GPC1: variants seen among roughly 807,000 people sequenced by gnomAD.
The protein encoded by GPC1 is glypican-1.
GPC1 carries 26 observed loss-of-function variants against 51.5 expected under a neutral mutation model. The ratio of observed to expected loss-of-function variants is 0.50; its 90% CI spans 0.37 to 0.70. The LOEUF is 0.70. GPC1 is among the 30% of genes least tolerant of loss of function. The pLI, the probability that GPC1 is intolerant of heterozygous loss-of-function variation, is 0.00. For synonymous variants in GPC1, 380 were observed against 348.3 expected, an observed-to-expected ratio of 1.09 and a Z score of -1.01; for missense variants, 775 against 800.5, an observed-to-expected ratio of 0.97 and a Z score of 0.38.
intron 2 of GPC1, 109 bp downstream of exon 2, chr2:240,459,297 G>T (rs923717073): frequency 2.9e-5 from 31 of 1,072,486 alleles, no homozygotes; most frequent in Non-Finnish European, 4.0e-5. Context: ...GGATTGGCAG[G>T]AGGAGGTGGG....
intron 2 of GPC1, among the ~76,000 whole-genome samples, chr2:240,459,901 G>A (rs1235743836): frequency 6.6e-6 from 1 of 152,152 alleles, no homozygotes; most frequent in Non-Finnish European, 1.5e-5. Flanking sequence ...GTGGAGGGAG[G>A]CGGCCCGGGC....
intron 4 of GPC1, chr2:240,463,781 T>C: frequency 1.9e-6 from 1 of 528,498 alleles, no homozygotes; most frequent in South Asian, 2.5e-5. Flanking sequence ...AGCAAGCACC[T>C]CGGTGTGCAT....
intron 1 of GPC1, chr2:240,452,753 G>A (rs1406764362): frequency 6.7e-6 from 1 of 149,688 alleles, no homozygotes; most frequent in Non-Finnish European, 1.5e-5. Flanking sequence ...AGCGCGGCGG[G>A]GCGGGGGCTG....
chr2:240,450,472 CTA>C lies in GPC1; in HGVS notation c.167-8556_167-8555del, dbSNP rs746026777. The stretch of plus-strand genomic sequence containing the variant: ...ACCTTGCACAGGTCACTTTAGCTCT[CTA>C]TGTGTCAGCTATGTCAGCGGGACCT... On this transcript the variant is annotated intron_variant, in intron 1 of 8. Transcript: ENST00000264039. 5.9e-4 allele frequency: 237 copies of C among 404,980 alleles called. 1 individual carries two copies. The highest frequency in any genetic ancestry group is 4.4e-3 in the African/African-American group (201 of 45,390). The allele number at this position is 404,980 out of a possible 1,614,324, so 25.1% of individuals were successfully genotyped here.
chr2:240,455,935 G>C (rs1174320134), intron 1 of GPC1: 1 of 365,894 alleles, frequency 2.7e-6, no homozygotes, highest in African/African-American at 2.3e-5. Flanking sequence ...GGGCCGCCTC[G>C]ATCCAGCCTG....
chr2:240,444,963 A>G (rs1574758219), intron 1 of GPC1, among the ~76,000 whole-genome samples: 2 of 152,186 alleles, frequency 1.3e-5, no homozygotes, highest in Non-Finnish European at 2.9e-5. Context: ...AGCTGATGCC[A>G]CCTGCCACCA....
rs370391685 is a variant in GPC1 at position 240,465,600 on chromosome 2, C to T, written c.1396C>T (p.Arg466Trp). 2.2e-5 allele frequency: 36 copies of T among 1,612,954 alleles called. No homozygotes were observed. Among genetic ancestry groups the T allele is most frequent in the Admixed American group, 6.7e-5 (4 of 60,004 alleles). ...QIMQLKIMTNRLRSAYNGNDV... is the reference protein window; with the variant it reads ...QIMQLKIMTNWLRSAYNGNDV... ...CATGCAGCTGAAGATCATGACCAACCGGCTGCGCAGCGCCTACAACGGCAA... is the reference window on the plus strand; with the variant it reads ...CATGCAGCTGAAGATCATGACCAACTGGCTGCGCAGCGCCTACAACGGCAA... Residue 466 changes from arginine (R) to tryptophan (W), a missense_variant, in exon 8 of 9, where the codon CGG (arginine) becomes TGG (tryptophan). Physicochemically the swap from Arg to Trp is moderately radical, Grantham distance 101. Transcript: ENST00000264039.
At chr2:240,465,994 A>G in intron 8 of GPC1, 64 bp from the exon 9 acceptor site, 1 of 1,000,318 alleles carries the variant, frequency 1.0e-6, no homozygotes, top group Non-Finnish European at 1.5e-6. Context: ...GGGCCCTTAC[A>G]GGGTGGTGCT....
At chr2:240,463,806 G>T (rs2074237280) in intron 4 of GPC1, 2 of 472,234 alleles carry the variant, frequency 4.2e-6, no homozygotes, top group South Asian at 3.0e-5. Flanking sequence ...GCCAACACGT[G>T]TGACTCATCG....
chr2:240,440,894 G>T (rs547715862), intron 1 of GPC1, among the ~76,000 whole-genome samples: 1 of 152,236 alleles, frequency 6.6e-6, no homozygotes, highest in African/African-American at 2.4e-5. Flanking sequence ...CACTGCCTGT[G>T]GGGGGCAGGA....
intron 2 of GPC1, among the ~76,000 whole-genome samples, chr2:240,459,946 G>A (rs756355553): frequency 7.9e-5 from 12 of 152,154 alleles, no homozygotes; most frequent in Non-Finnish European, 1.6e-4. Flanking sequence ...CGGAGCCAGG[G>A]CGCCGGGACA....
At chr2:240,450,325 C>G (rs2074086021) in intron 1 of GPC1, 1 of 338,102 alleles carries the variant, frequency 3.0e-6, no homozygotes, top group Admixed American at 4.2e-5. Flanking sequence ...CTGCTTCAGC[C>G]TTTGCCTGCA....
intron 3 of GPC1, among the ~76,000 whole-genome samples, chr2:240,463,137 C>T (rs2074230742): frequency 6.6e-6 from 1 of 152,122 alleles, no homozygotes. Context: ...GATATTCTTG[C>T]CTCCCTGTGA....
rs952204630 is a variant in GPC1 at position 240,465,686 on chromosome 2, G to A, written c.1444+38G>A. 1.9e-6 allele frequency: 3 copies of A among 1,578,162 alleles called. No homozygotes were observed. In the Admixed American group the frequency reaches 5.1e-5, roughly 27 times the overall value. On this transcript the variant is annotated intron_variant, in intron 8 of 8. Transcript: ENST00000264039. The stretch of plus-strand genomic sequence containing the variant: ...CCTGGCCGGGCGGCCAAGGGGCCAG[G>A]GTTGGTGGGGGTGCCACAGGGGTGT...
At position 240,448,238 on chromosome 2, in the gene GPC1, C is replaced by T. The variant is rs1291233994; in HGVS notation, c.167-10792C>T. Among the ~76,000 whole-genome samples, 1 of 152,124 alleles carries T rather than the reference C, an allele frequency of 6.6e-6. No homozygotes were observed. The highest frequency in any genetic ancestry group is 1.5e-5 in the Non-Finnish European group (1 of 68,004). ...TCATAGGGGCCTCTCCCTTCCCCTA[C>T]GGGATGGGGCTGGTTCGTTCCCCCA... On this transcript the variant is annotated intron_variant, in intron 1 of 8. Coordinates refer to ENST00000264039, the MANE Select transcript of GPC1 (RefSeq NM_002081.3). This position sits in a 1 kb window ranked among gnomAD's most constrained non-coding sequence, Gnocchi z 4.5.
In GPC1 at chr2:240,459,040, G is replaced by A. The variant is rs1352310255; in HGVS notation, c.177G>A (p.Leu59=). ...GGCCTTTCCCCACAGGTGAGCACCT[G>A]CGGATCTGTCCCCAGGGCTACACCT... ...VPQAEISGEH[L]RICPQGYTCC... is the part of the protein sequence containing the mutation. The change falls in exon 2 of 9, where the codon CTG becomes CTA. Residue 59 remains leucine (L), a synonymous_variant. Coordinates refer to ENST00000264039, the MANE Select transcript of GPC1 (RefSeq NM_002081.3). 1.2e-6 allele frequency: 2 copies of A among 1,612,764 alleles called. No homozygotes were observed. Among genetic ancestry groups the A allele is most frequent in the South Asian group, 2.2e-5 (2 of 91,074 alleles).
intron 1 of GPC1, chr2:240,451,615 G>A (rs930433120): frequency 1.0e-4 from 25 of 245,308 alleles, no homozygotes; most frequent in African/African-American, 5.8e-4. Flanking sequence ...TTCGAAGAGT[G>A]GGCTCTGCCT....
At chr2:240,443,300 G>A (rs1027596724) in intron 1 of GPC1, among the ~76,000 whole-genome samples, 4 of 152,278 alleles carry the variant, frequency 2.6e-5, no homozygotes, top group Admixed American at 2.0e-4. Flanking sequence ...CCTTCAGGTG[G>A]ACTTTGGGCG....
intron 2 of GPC1, among the ~76,000 whole-genome samples, chr2:240,460,178 G>C (rs1283390069): frequency 1.3e-5 from 2 of 152,094 alleles, no homozygotes; most frequent in Non-Finnish European, 2.9e-5. Context: ...TCAGCTGTTG[G>C]CGTACACCTG....
Sources: allele counts gnomAD v4.1 joint callset (sites outside exome capture counted in the v4.1 genomes callset), GRCh38; gene constraint gnomAD v4.1.1; non-coding constraint Gnocchi (gnomAD v3.1); transcripts MANE v1.5; gene names NCBI Gene and HGNC (gene_info 2026-07-23, HGNC 2026-07-21).